Variants in ORC2 observed in about 807,000 individuals in gnomAD.
ORC2 encodes the protein origin recognition complex protein 2 homolog.
Under a neutral mutation model 77.7 loss-of-function variants are expected in ORC2, and 37 were observed. The observed-to-expected ratio is 0.48, with a 90% confidence interval of 0.37 to 0.63. The LOEUF (loss-of-function observed/expected upper bound fraction) is 0.63, where lower values mean the gene tolerates loss of function less well. ORC2 is among the 20% of genes least tolerant of loss of function. ORC2 has a pLI of 0.00. For synonymous variants in ORC2, 201 were observed against 229.5 expected (o/e 0.88, Z 1.12); for missense variants, 557 against 661.9 (o/e 0.84, Z 1.74).
Position 200,957,483 on chromosome 2 carries a change from CTTCT to C in ORC2, c.152_155del (p.Lys51SerfsTer14), listed in dbSNP as rs1559025664. 2 of 1,610,772 alleles carry C rather than the reference CTTCT, an allele frequency of 1.2e-6. No homozygotes were observed. Reference sequence around the variant, plus strand: ...CATCTTCCTCCAAATCATATTCTGGCTTCTTTATTATTTTTTTGGGGTTGACCAA... The same window carrying C: ...CATCTTCCTCCAAATCATATTCTGGCTTATTATTTTTTTGGGGTTGACCAA... On this transcript the variant is annotated frameshift_variant, in exon 4 of 18. Coordinates refer to ENST00000234296, the MANE Select transcript of ORC2 (RefSeq NM_006190.5). LOFTEE classifies it high-confidence loss of function.
chr2:200,916,283 G>A (rs1349301603), intron 15 of ORC2, among the ~76,000 whole-genome samples: 1 of 152,088 alleles, frequency 6.6e-6, no homozygotes, highest in South Asian at 2.1e-4. Context: ...AAGAGTTCAA[G>A]ACCAGCCTGC....
chr2:200,927,831 G>A (rs2040868995), intron 11 of ORC2, among the ~76,000 whole-genome samples: 1 of 151,002 alleles, frequency 6.6e-6, no homozygotes, highest in South Asian at 2.1e-4. Context: ...CTGAGCAGCT[G>A]GATTACAGGC....
In ORC2 at chr2:200,949,576, G is replaced by C; in HGVS notation, c.306C>G (p.His102Gln). ...TACCTAATTTAGCCATCTTTTCAGA[G>C]TGTTTTCTATTCTGAAAAGAATAAA... Reference protein sequence around the residue: ...NKVYSFQNRKHSEKMAKLASE... With the variant: ...NKVYSFQNRKQSEKMAKLASE... Residue 102 changes from histidine to glutamine, a missense_variant, in exon 5 of 18, where the codon CAC becomes CAG. His to Gln is a conservative substitution (Grantham distance 24, BLOSUM62 0). Transcript: ENST00000234296. The C allele has an allele frequency of 6.3e-7, 1 of 1,583,190 alleles. No individual in the cohort carries two copies. The highest frequency in any genetic ancestry group is 8.7e-7 in the Non-Finnish European group (1 of 1,154,532).
chr2:200,914,730 CAG>C (rs1421826979), intron 15 of ORC2, among the ~76,000 whole-genome samples: 1 of 152,106 alleles, frequency 6.6e-6, no homozygotes, highest in Non-Finnish European at 1.5e-5. Flanking sequence ...ACTTGAGTGA[CAG>C]ACACCCTGTC....
chr2:200,942,530 G>C (rs574085082), intron 6 of ORC2, among the ~76,000 whole-genome samples, 155 bp downstream of exon 6: 2 of 152,100 alleles, frequency 1.3e-5, no homozygotes, highest in African/African-American at 4.8e-5. Context: ...GGTATACTAA[G>C]GTACATGAGT....
chr2:200,925,697 C>A, intron 13 of ORC2, 139 bp downstream of exon 13: 1 of 309,836 alleles, frequency 3.2e-6, no homozygotes. Flanking sequence ...CATGATCGCA[C>A]CACTGCACTC....
chr2:200,960,374 A>G (rs1228919874), intron 1 of ORC2, among the ~76,000 whole-genome samples: 1 of 152,192 alleles, frequency 6.6e-6, no homozygotes, highest in Non-Finnish European at 1.5e-5. Flanking sequence ...AAATAAAGAT[A>G]ATAAATACTT....
rs201185231 is a variant in ORC2 at position 200,938,001 on chromosome 2, A to G, written c.454-35T>C. On this transcript the variant is annotated intron_variant, in intron 7 of 17. Transcript: ENST00000234296. ...AATAGAAAAAGCATTAAATAATAAC[A>G]TGGAAATTAATGACTGATCTGAGTG... is the stretch of plus-strand genomic sequence containing the variant. The G allele has an allele frequency of 4.0e-5, 56 of 1,398,442 alleles. No homozygotes were observed. The Admixed American group carries it at 4.8e-4, about 12-fold the overall frequency. 86.6% of individuals were successfully genotyped at this position (1,398,442 alleles called of 1,614,324 possible).
At position 200,931,438 on chromosome 2, in the gene ORC2, C is replaced by T. The variant is rs201919212; in HGVS notation, c.818G>A (p.Arg273His). The T allele has an allele frequency of 2.2e-5, 34 of 1,548,398 alleles. No homozygotes were observed. Among genetic ancestry groups the T allele is most frequent in the South Asian group, 1.8e-4 (15 of 83,070 alleles). ...KRAKLDQQTL[R>H]NLLSKVSPSF... Reference sequence around the variant, plus strand: ...AGGGGAAACCTTGCTCAATAAGTTACGCAAAGTTTGCTTTAAAAAAAAGGA... The same window carrying T: ...AGGGGAAACCTTGCTCAATAAGTTATGCAAAGTTTGCTTTAAAAAAAAGGA... Residue 273 changes from arginine to histidine, a missense_variant, in exon 11 of 18, where the codon CGT becomes CAT. By Grantham distance (29) the Arg-to-His change is conservative. Coordinates refer to ENST00000234296, the MANE Select transcript of ORC2 (RefSeq NM_006190.5).
In ORC2 at chr2:200,925,840, T is replaced by G; in HGVS notation, c.1143A>C (p.Lys381Asn). Reference protein sequence around the residue: ...DQLDWIVNKFKEDSSLELFLL... With the variant: ...DQLDWIVNKFNEDSSLELFLL... ...CGAGCATCTACTTCATGTTACCTTC[T>G]TTAAATTTGTTTACTATCCAGTCTA... Residue 381 changes from lysine (K) to asparagine (N), a missense_variant, in exon 13 of 18, where the codon AAA becomes AAC. Physicochemically the swap from Lys to Asn is moderately conservative, Grantham distance 94 (BLOSUM62 0). Transcript: ENST00000234296. The G allele has an allele frequency of 6.6e-7, 1 of 1,522,550 alleles. No individual in the cohort carries two copies. Among genetic ancestry groups the G allele is most frequent in the Non-Finnish European group, 9.1e-7 (1 of 1,102,542 alleles). 94.3% of individuals were successfully genotyped at this position (1,522,550 alleles called of 1,614,324 possible). A position where few individuals can be genotyped will look rare whatever the true frequency, so the allele number is the denominator to read the frequency against.
At chr2:200,919,316 A>G (rs541329106) in intron 15 of ORC2, among the ~76,000 whole-genome samples, 1 of 152,316 alleles carries the variant, frequency 6.6e-6, no homozygotes, top group African/African-American at 2.4e-5. Context: ...GTCAGGGGGT[A>G]AAGTTTGTTA....
At chr2:200,934,500 T>C (rs2041000182) in intron 9 of ORC2, among the ~76,000 whole-genome samples, 1 of 151,478 alleles carries the variant, frequency 6.6e-6, no homozygotes, top group African/African-American at 2.4e-5. Flanking sequence ...ATTGTTTTTT[T>C]TTTTTTTTTG....
intron 3 of ORC2, 77 bp downstream of exon 3, chr2:200,957,953 T>G (rs556408017): frequency 4.4e-6 from 4 of 919,352 alleles, no homozygotes; most frequent in Non-Finnish European, 6.9e-6. Flanking sequence ...CAAAAGAAAA[T>G]GTTAAAAGTT....
chr2:200,962,351 C>T (rs2041595566), intron 1 of ORC2, among the ~76,000 whole-genome samples: 1 of 152,222 alleles, frequency 6.6e-6, no homozygotes, highest in Non-Finnish European at 1.5e-5. Flanking sequence ...GTGGTAGCAA[C>T]ACACTCTCCT....
At chr2:200,925,783 G>A in intron 13 of ORC2, 53 bp downstream of exon 13, 1 of 728,094 alleles carries the variant, frequency 1.4e-6, no homozygotes, top group South Asian at 1.6e-5. Flanking sequence ...TGAATAAGTA[G>A]AAGTATATGC....
intron 1 of ORC2, among the ~76,000 whole-genome samples, chr2:200,960,241 C>T (rs1575190273): frequency 6.6e-6 from 1 of 152,018 alleles, no homozygotes; most frequent in Non-Finnish European, 1.5e-5. Context: ...ACCTCCCAAA[C>T]TGCTGGGATT....
chr2:200,943,375 C>A (rs537339283), intron 5 of ORC2, among the ~76,000 whole-genome samples: 3 of 151,790 alleles, frequency 2.0e-5, no homozygotes, highest in East Asian at 1.9e-4. Context: ...TTCTTTCTCT[C>A]GCTTTTTTTT....
At chr2:200,947,449 T>C (rs998307180) in intron 5 of ORC2, among the ~76,000 whole-genome samples, 4 of 152,210 alleles carry the variant, frequency 2.6e-5, no homozygotes, top group African/African-American at 9.6e-5. Flanking sequence ...ACCTTGAATG[T>C]TTACATGTGT....
chr2:200,931,418 A>G lies in ORC2; in HGVS notation c.838T>C (p.Ser280Pro), dbSNP rs1188015275. 6.5e-7 allele frequency: 1 copy of G among 1,548,336 alleles called. No homozygotes were observed. Among genetic ancestry groups the G allele is most frequent in the Non-Finnish European group, 8.7e-7 (1 of 1,154,516 alleles). Residue 280 changes from serine to proline, a missense_variant, in exon 11 of 18, where the codon TCC becomes CCC. Physicochemically the swap from Ser to Pro is moderately conservative, Grantham distance 74 (BLOSUM62 -1). Coordinates refer to ENST00000234296, the MANE Select transcript of ORC2 (RefSeq NM_006190.5). ...TTAAGTTCGGCAGAAAAGGAAGGGG[A>G]AACCTTGCTCAATAAGTTACGCAAA... ...QTLRNLLSKV[S>P]PSFSAELKQL...
Sources: allele counts gnomAD v4.1 joint callset (sites outside exome capture counted in the v4.1 genomes callset), GRCh38; gene constraint gnomAD v4.1.1; transcripts MANE v1.5; gene names NCBI Gene and HGNC (gene_info 2026-07-23, HGNC 2026-07-21).